The following TOX variants were observed in gnomAD, a reference collection of about 807,000 sequenced individuals.
TOX encodes thymocyte selection-associated high mobility group box protein TOX.
A neutral mutation model predicts 53.7 loss-of-function variants in TOX; 11 were observed. That is an observed-to-expected ratio of 0.20 (90% CI 0.13 to 0.34). TOX has a LOEUF of 0.34. Among genes scored for constraint, TOX ranks in the 10% least tolerant of loss-of-function variants. The pLI is 1.00. For synonymous variants in TOX, 225 were observed against 245.3 expected (o/e 0.92, Z 0.77); for missense variants, 570 against 664.6 (o/e 0.86, Z 1.56).
At chr8:58,959,830 T>C in intron 2 of TOX, 113 bp downstream of exon 2, 1 of 1,139,576 alleles carries the variant, frequency 8.8e-7, no homozygotes, top group Non-Finnish European at 1.3e-6. Context: ...GTTTATAAAT[T>C]ATGATTATTC....
At chr8:58,898,674 G>A (rs958707517) in intron 3 of TOX, among the ~76,000 whole-genome samples, 4 of 152,106 alleles carry the variant, frequency 2.6e-5, no homozygotes, top group East Asian at 1.9e-4. Flanking sequence ...CAAGTTGTCC[G>A]TTTTCTTCCC....
In TOX at chr8:58,828,877, C is replaced by G. The variant is rs181000381; in HGVS notation, c.925-1975G>C. ...CTCCCATACAGATAGAAATCCTATT[C>G]AGGACTTTGAAGCAAACATTTAGTC... On this transcript the variant is annotated intron_variant, in intron 5 of 8. Coordinates refer to ENST00000361421, the MANE Select transcript of TOX (RefSeq NM_014729.3). Among the ~76,000 whole-genome samples, 203 of 152,270 alleles carry G rather than the reference C, an allele frequency of 1.3e-3. 1 individual carries two copies. The highest frequency in any genetic ancestry group is 4.6e-3 in the African/African-American group (190 of 41,562).
rs74875509 is a variant in TOX, at chr8:58,838,485, T to A, written c.694-174A>T. On this transcript the variant is annotated intron_variant, in intron 4 of 8. Transcript: ENST00000361421. ...TTTTTCCCAGATGAAACTGCATATT[T>A]CAAGTAGTCTTCATATTCATCCTAC... Among the ~76,000 whole-genome samples, 3 of 152,200 alleles carry A rather than the reference T, an allele frequency of 2.0e-5. No homozygotes were observed. In the East Asian group the frequency reaches 5.8e-4, roughly 29 times the overall value.
At chr8:59,021,481 A>ATATATATATATATATATATATATATAT (rs1554539852) in intron 1 of TOX, among the ~76,000 whole-genome samples, 1 of 64,740 alleles carries the variant, frequency 1.5e-5, no homozygotes, top group African/African-American at 5.3e-5. Context: ...AAAAAAAAAA[A>ATATATATATATATATATATATATATAT]ATATATATAT....
intron 1 of TOX, among the ~76,000 whole-genome samples, chr8:59,079,093 GCTT>G (rs1357029306): frequency 1.3e-5 from 2 of 152,202 alleles, no homozygotes; most frequent in Non-Finnish European, 2.9e-5. Flanking sequence ...TAACTTGGCT[GCTT>G]CTAACAACCT....
intron 2 of TOX, 47 bp from the exon 3 acceptor site, chr8:58,939,591 C>A: frequency 6.4e-7 from 1 of 1,560,892 alleles, no homozygotes; most frequent in South Asian, 1.2e-5. Context: ...CATCTTCTTG[C>A]TCTTCATCAT....
intron 4 of TOX, among the ~76,000 whole-genome samples, chr8:58,841,757 T>C (rs545350246): frequency 6.6e-6 from 1 of 152,338 alleles, no homozygotes; most frequent in African/African-American, 2.4e-5. Context: ...AAACATCACA[T>C]TGTACACTTT....
chr8:59,030,511 G>A (rs147835756), intron 1 of TOX, among the ~76,000 whole-genome samples: 6 of 152,224 alleles, frequency 3.9e-5, no homozygotes, highest in Non-Finnish European at 5.9e-5. Flanking sequence ...ATAAGCATAC[G>A]CGCTCGTTTG....
intron 1 of TOX, among the ~76,000 whole-genome samples, chr8:58,976,272 T>G (rs1022298981): frequency 6.6e-6 from 1 of 152,262 alleles, no homozygotes; most frequent in Non-Finnish European, 1.5e-5. Flanking sequence ...TTCAACAATG[T>G]TCACAGCATT....
At chr8:58,938,576 G>A (rs1563395060) in intron 3 of TOX, among the ~76,000 whole-genome samples, 1 of 152,140 alleles carries the variant, frequency 6.6e-6, no homozygotes, top group East Asian at 1.9e-4. Context: ...AAAATCAGAA[G>A]GAAAGATTTT....
At chr8:58,861,093 C>G (rs1379326528) in intron 3 of TOX, among the ~76,000 whole-genome samples, 1 of 152,182 alleles carries the variant, frequency 6.6e-6, no homozygotes, top group African/African-American at 2.4e-5. Flanking sequence ...GTTTGACACA[C>G]CGTGCTTCAG....
chr8:59,049,187 T>G (rs1331463182), intron 1 of TOX, among the ~76,000 whole-genome samples: 1 of 151,782 alleles, frequency 6.6e-6, no homozygotes, highest in Non-Finnish European at 1.5e-5. Context: ...ATAATATAAG[T>G]CAGTTTGCTC....
Position 58,807,518 on chromosome 8 carries a change from C to T in TOX, c.*229G>A. The T allele has an allele frequency of 2.1e-6, 1 of 480,012 alleles. No homozygotes were observed. Among genetic ancestry groups the T allele is most frequent in the Non-Finnish European group, 3.7e-6 (1 of 270,550 alleles). 29.7% of individuals were successfully genotyped at this position (480,012 alleles called of 1,614,324 possible). Reference sequence around the variant, plus strand: ...AAACCAACATAAAATCTGAATGGTCCAAATTTCCTTCAGGGAAGAAGAAAA... The same window carrying T: ...AAACCAACATAAAATCTGAATGGTCTAAATTTCCTTCAGGGAAGAAGAAAA... On this transcript the variant is annotated 3_prime_UTR_variant, in exon 9 of 9. Transcript: ENST00000361421.
intron 1 of TOX, among the ~76,000 whole-genome samples, chr8:59,102,529 G>A (rs927449116): frequency 4.6e-5 from 7 of 151,920 alleles, no homozygotes; most frequent in Non-Finnish European, 8.8e-5. Flanking sequence ...GTGCCCAGTC[G>A]AAACTCCCGT....
At chr8:58,865,386 A>G (rs1811079344) in intron 3 of TOX, among the ~76,000 whole-genome samples, 1 of 152,142 alleles carries the variant, frequency 6.6e-6, no homozygotes, top group Admixed American at 6.5e-5. Context: ...TTCTCAGAAA[A>G]CAGTGTTTTT....
intron 3 of TOX, among the ~76,000 whole-genome samples, chr8:58,937,930 A>C (rs146614622): frequency 6.6e-6 from 1 of 152,308 alleles, no homozygotes; most frequent in African/African-American, 2.4e-5. Context: ...ACACTGAAAT[A>C]CATTTTTCAG....
chr8:58,806,006 A>T lies in TOX; in HGVS notation c.*1741T>A, dbSNP rs1242312048. The T allele has an allele frequency of 6.6e-6, 1 of 152,662 alleles. No homozygotes were observed. The highest frequency in any genetic ancestry group is 1.5e-5 in the Non-Finnish European group (1 of 68,042). 9.5% of individuals were successfully genotyped at this position (152,662 alleles called of 1,614,324 possible). A position where few individuals can be genotyped will look rare whatever the true frequency, so the allele number is the denominator to read the frequency against. ...ATATTCCAAGAAAGAGACATCAGCCATTCTCTTGGTTTCCAACCAGACTAA... is the reference window on the plus strand; with the variant it reads ...ATATTCCAAGAAAGAGACATCAGCCTTTCTCTTGGTTTCCAACCAGACTAA... On this transcript the variant is annotated 3_prime_UTR_variant, in exon 9 of 9. Transcript: ENST00000361421.
intron 3 of TOX, among the ~76,000 whole-genome samples, chr8:58,867,350 G>A (rs575883229): frequency 2.0e-5 from 3 of 152,260 alleles, no homozygotes; most frequent in East Asian, 1.9e-4. Context: ...AGCCCCAAAC[G>A]CTCATTGTCT....
At chr8:59,110,503 C>T (rs1359001843) in intron 1 of TOX, among the ~76,000 whole-genome samples, 11 of 152,022 alleles carry the variant, frequency 7.2e-5, no homozygotes, top group Non-Finnish European at 1.6e-4. Flanking sequence ...CCCAGTTGGC[C>T]CATTCGTTAA....
Sources: allele counts gnomAD v4.1 joint callset (sites outside exome capture counted in the v4.1 genomes callset), GRCh38; gene constraint gnomAD v4.1.1; transcripts MANE v1.5; gene names NCBI Gene and HGNC (gene_info 2026-07-23, HGNC 2026-07-21).